The following LRRC63 variants were observed in gnomAD, a reference collection of about 807,000 sequenced individuals.
LRRC63 encodes leucine-rich repeat-containing protein 63.
A neutral mutation model predicts 49.5 loss-of-function variants in LRRC63; 40 were observed. The ratio of observed to expected loss-of-function variants is 0.81; its 90% CI spans 0.63 to 1.05. The LOEUF (loss-of-function observed/expected upper bound fraction) is 1.05, where lower values mean the gene tolerates loss of function less well. Ranked by LOEUF, LRRC63 falls within the 50% of genes least tolerant of loss-of-function variation. The probability of loss-of-function intolerance (pLI) is 0.00; values close to 1 mark genes in which losing one functional copy is unlikely to be tolerated. For missense variants in LRRC63, 636 were observed against 663.1 expected, an observed-to-expected ratio of 0.96 and a Z score of 0.45; for synonymous variants, 191 against 221.1, an observed-to-expected ratio of 0.86 and a Z score of 1.21.
intron 2 of LRRC63, among the ~76,000 whole-genome samples, chr13:46,219,590 G>A (rs914915494): frequency 1.3e-5 from 2 of 152,122 alleles, no homozygotes; most frequent in Non-Finnish European, 2.9e-5. Flanking sequence ...ACCTTCTGAA[G>A]CCTACTTCTG....
At chr13:46,253,625 G>A (rs2047439792) in intron 7 of LRRC63, among the ~76,000 whole-genome samples, 1 of 152,078 alleles carries the variant, frequency 6.6e-6, no homozygotes, top group African/African-American at 2.4e-5. Context: ...ATGAGAGCTT[G>A]GACTCCTCAA....
At chr13:46,221,736 G>C (rs1306585545) in intron 2 of LRRC63, among the ~76,000 whole-genome samples, 1 of 152,060 alleles carries the variant, frequency 6.6e-6, no homozygotes, top group African/African-American at 2.4e-5. Flanking sequence ...AGTCAGCAGA[G>C]GTTAACCCAT....
chr13:46,270,121 C>G, intron 9 of LRRC63: 3 of 669,606 alleles, frequency 4.5e-6, no homozygotes. Flanking sequence ...TGCCTTTGTT[C>G]GTGGATCAAT....
intron 4 of LRRC63, among the ~76,000 whole-genome samples, chr13:46,230,922 G>A (rs750536370): frequency 7.2e-5 from 11 of 152,162 alleles, no homozygotes; most frequent in Non-Finnish European, 1.2e-4. Context: ...GATACCCCAA[G>A]TCATCACTCT....
At chr13:46,235,630 C>T (rs905801055) in intron 5 of LRRC63, among the ~76,000 whole-genome samples, 45 of 152,040 alleles carry the variant, frequency 3.0e-4, no homozygotes, top group Non-Finnish European at 4.4e-4. Flanking sequence ...AAAAAAAATG[C>T]TTGTTCACAG....
intron 2 of LRRC63, among the ~76,000 whole-genome samples, chr13:46,216,640 G>C (rs1452267192): frequency 6.6e-6 from 1 of 152,180 alleles, no homozygotes; most frequent in African/African-American, 2.4e-5. Context: ...CCAATACCAG[G>C]TTAAATAGGA....
chr13:46,271,525 T>C (rs1236372374), intron 9 of LRRC63, among the ~76,000 whole-genome samples: 2 of 152,298 alleles, frequency 1.3e-5, no homozygotes, highest in East Asian at 3.9e-4. Context: ...GAGGGATATG[T>C]GAAAAGGCTA....
intron 7 of LRRC63, among the ~76,000 whole-genome samples, chr13:46,257,564 A>G (rs1053957183): frequency 6.6e-6 from 1 of 152,216 alleles, no homozygotes; most frequent in Non-Finnish European, 1.5e-5. Context: ...AATAAGTGAT[A>G]TGAAAAAGAA....
intron 4 of LRRC63, among the ~76,000 whole-genome samples, chr13:46,230,769 T>G (rs754141486): frequency 3.3e-5 from 5 of 152,200 alleles, no homozygotes; most frequent in Admixed American, 6.5e-5. Flanking sequence ...AGGCTGCAAA[T>G]TTTCCAAACT....
intron 7 of LRRC63, 79 bp from the exon 8 acceptor site, chr13:46,261,830 C>A: frequency 2.5e-6 from 1 of 406,238 alleles, no homozygotes; most frequent in East Asian, 3.8e-5. Context: ...TATACTCCTG[C>A]CTACTTACTC....
At chr13:46,257,649 G>A (rs1323097010) in intron 7 of LRRC63, among the ~76,000 whole-genome samples, 1 of 152,130 alleles carries the variant, frequency 6.6e-6, no homozygotes, top group Non-Finnish European at 1.5e-5. Flanking sequence ...AAGGGACACT[G>A]GAACAAAGTG....
intron 5 of LRRC63, among the ~76,000 whole-genome samples, chr13:46,242,408 C>A (rs979582638): frequency 2.0e-5 from 3 of 152,072 alleles, no homozygotes; most frequent in Non-Finnish European, 2.9e-5. Context: ...GTACAAGAAA[C>A]CCCCATGGCA....
At chr13:46,258,622 A>C (rs1158683071) in intron 7 of LRRC63, among the ~76,000 whole-genome samples, 1 of 150,612 alleles carries the variant, frequency 6.6e-6, no homozygotes, top group South Asian at 2.1e-4. Flanking sequence ...ATCCTGGCCA[A>C]CATGGTGAAA....
At chr13:46,246,757 A>G in intron 6 of LRRC63, 132 bp downstream of exon 6, 1 of 412,758 alleles carries the variant, frequency 2.4e-6, no homozygotes, top group East Asian at 3.8e-5. Flanking sequence ...CATCTTTTGA[A>G]TGGCTTATTT....
At chr13:46,265,743 G>A (rs768131093) in intron 8 of LRRC63, among the ~76,000 whole-genome samples, 16 of 152,310 alleles carry the variant, frequency 1.1e-4, no homozygotes, top group Admixed American at 2.6e-4. Context: ...CTTGTGATTT[G>A]CGCAGAAGAA....
chr13:46,227,703 A>G (rs1438206955), exon 3 of LRRC63: 2 of 1,550,450 alleles, frequency 1.3e-6, no homozygotes, highest in Admixed American at 2.0e-5. Context: ...CCAGAAATCT[A>G]CTAAGCATGT....
chr13:46,246,621 C>T (rs370844272), exon 6 of LRRC63: 2 of 1,393,682 alleles, frequency 1.4e-6, no homozygotes, highest in Non-Finnish European at 1.9e-6. Context: ...TACTTTCCCA[C>T]AGAAGTGAGT....
intron 2 of LRRC63, among the ~76,000 whole-genome samples, chr13:46,217,230 G>A (rs186749219): frequency 3.3e-5 from 5 of 152,240 alleles, no homozygotes; most frequent in African/African-American, 4.8e-5. Flanking sequence ...CTGTGAATCT[G>A]TCTGGTCCTG....
At chr13:46,232,668 C>A (rs1403960890) in intron 4 of LRRC63, among the ~76,000 whole-genome samples, 1 of 151,824 alleles carries the variant, frequency 6.6e-6, no homozygotes, top group African/African-American at 2.4e-5. Context: ...AGAGAGAGGG[C>A]GTATTATCCA....
Sources: allele counts gnomAD v4.1 joint callset (sites outside exome capture counted in the v4.1 genomes callset), GRCh38; gene constraint gnomAD v4.1.1; transcripts MANE v1.5; gene names NCBI Gene and HGNC (gene_info 2026-07-23, HGNC 2026-07-21).